RP1: variants seen among roughly 807,000 people sequenced by gnomAD.
RP1 encodes the protein RP1 axonemal microtubule associated.
Under a neutral mutation model 14.8 loss-of-function variants are expected in RP1, and 16 were observed. The ratio of observed to expected loss-of-function variants is 1.08; its 90% confidence interval spans 0.73 to 1.65. The LOEUF (loss-of-function observed/expected upper bound fraction) is 1.65, where lower values mean the gene tolerates loss of function less well. Among genes scored for constraint, RP1 ranks in the 40% most tolerant of loss-of-function variants. The pLI is 0.00. For missense variants in RP1, 2,631 were observed against 2,535.0 expected, an observed-to-expected ratio of 1.04 and a Z score of -0.81; for synonymous variants, 876 against 883.6, an observed-to-expected ratio of 0.99 and a Z score of 0.15.
At chr8:54,828,882 C>CTTTTTTTTTTTTTTTTTTTTTTTTTT (rs201534661) in intron 24 of RP1, among the ~76,000 whole-genome samples, 3 of 83,900 alleles carry the variant, frequency 3.6e-5, no homozygotes, top group Admixed American at 1.6e-4. Context: ...TCTTCTTCTT[C>CTTTTTTTTTTTTTTTTTTTTTTTTTT]TTTTTTTTTT....
intron 24 of RP1, among the ~76,000 whole-genome samples, chr8:54,826,033 C>T (rs964542814): frequency 4.6e-5 from 7 of 152,150 alleles, no homozygotes; most frequent in African/African-American, 1.4e-4. Context: ...GTAACCACTG[C>T]ACTCCAGCCT....
intron 22 of RP1, among the ~76,000 whole-genome samples, chr8:54,768,131 C>T (rs1020770850): frequency 3.3e-5 from 5 of 152,210 alleles, no homozygotes; most frequent in East Asian, 1.9e-4. Flanking sequence ...GCCTCCTGTG[C>T]GTCAGCCACG....
chr8:54,621,423 C>T lies in RP1; in HGVS notation c.457C>T (p.Pro153Ser). ...AVAAPGMPRP[P>S]RSLVVFRNGD... ...CGCTGCTCCCGGCATGCCCCGCCCC[C>T]CACGGAGCCTAGTGGTCTTCAGGAA... is the stretch of plus-strand genomic sequence containing the variant. Residue 153 changes from proline (P) to serine (S), a missense_variant, in exon 2 of 4, where the codon CCA (proline) becomes TCA (serine). Physicochemically the swap from Pro to Ser is moderately conservative, Grantham distance 74. Transcript: ENST00000220676. 6.2e-7 allele frequency: 1 copy of T among 1,613,680 alleles called. No homozygotes were observed. The highest frequency in any genetic ancestry group is 1.1e-5 in the South Asian group (1 of 91,078).
At chr8:54,743,184 A>C (rs905324231) in intron 19 of RP1, among the ~76,000 whole-genome samples, 1 of 152,360 alleles carries the variant, frequency 6.6e-6, no homozygotes, top group Non-Finnish European at 1.5e-5. Flanking sequence ...TCAGATTCCC[A>C]GTTGTTAAGG....
At chr8:54,760,884 C>CT (rs572149698) in intron 22 of RP1, among the ~76,000 whole-genome samples, 193 of 152,222 alleles carry the variant, frequency 1.3e-3, no homozygotes, top group African/African-American at 4.5e-3. Flanking sequence ...TTTTTCTCTT[C>CT]TCTCAATGTG....
Position 54,720,129 on chromosome 8 carries a change from G to T in RP1, c.2212G>T (p.Gly738Cys), listed in dbSNP as rs1030611746. 3.2e-5 allele frequency: 49 copies of T among 1,520,948 alleles called. No individual in the cohort carries two copies. In the Middle Eastern group the frequency reaches 5.0e-4, roughly 16 times the overall value. 94.2% of individuals were successfully genotyped at this position (1,520,948 alleles called of 1,614,324 possible). ...TTGAATCATTTTGTATTGATTGTAG[G>T]GTACAGGAGATGTTGACTGTCATTT... is the stretch of plus-strand genomic sequence containing the variant. Residue 738 changes from glycine to cysteine, a missense_variant and splice_region_variant, in exon 16 of 23, where the codon GGT (glycine) becomes TGT (cysteine). By Grantham distance (159) the Gly-to-Cys change is radical (BLOSUM62 -3). Transcript: ENST00000636932.
chr8:54,566,694 G>A (rs757982044), intron 1 of RP1, among the ~76,000 whole-genome samples: 15 of 152,188 alleles, frequency 9.9e-5, no homozygotes, highest in Non-Finnish European at 2.1e-4. Flanking sequence ...GCCAAGGAGA[G>A]CTATAGATGG....
At chr8:54,756,110 A>T (rs1809499669) in intron 21 of RP1, among the ~76,000 whole-genome samples, 1 of 152,250 alleles carries the variant, frequency 6.6e-6, no homozygotes, top group Non-Finnish European at 1.5e-5. Context: ...ATTTTAAAAG[A>T]TAAGGCCATA....
In RP1 at chr8:54,626,872, A is replaced by G. The variant is rs1457263455; in HGVS notation, c.2990A>G (p.Asn997Ser). 4.3e-6 allele frequency: 7 copies of G among 1,613,848 alleles called. No individual in the cohort carries two copies. In the South Asian group the frequency reaches 6.6e-5, roughly 15 times the overall value. Residue 997 changes from asparagine (N) to serine (S), a missense_variant, in exon 4 of 4, where the codon AAT becomes AGT. By Grantham distance (46) the Asn-to-Ser change is conservative. Coordinates refer to ENST00000220676, the MANE Select transcript of RP1 (RefSeq NM_006269.2). Reference protein sequence around the residue: ...CKEGDKSFIANDTGEEDLHET... With the variant: ...CKEGDKSFIASDTGEEDLHET... ...GAGGGAGATAAGTCTTTTATTGCCA[A>G]TGACACTGGTGAAGAAGATCTCCAT...
At chr8:54,839,300 C>A (rs755854453) in intron 25 of RP1, among the ~76,000 whole-genome samples, 1 of 152,148 alleles carries the variant, frequency 6.6e-6, no homozygotes, top group Non-Finnish European at 1.5e-5. Context: ...AGCCCCAGTG[C>A]TCCATTAGGT....
At position 54,855,617 on chromosome 8, in the gene RP1, C is replaced by T. The variant is rs147494209; in HGVS notation, c.3991-1411C>T. Among the ~76,000 whole-genome samples the T allele has an allele frequency of 1.5e-3, 227 of 152,264 alleles. 1 individual carries two copies. Among genetic ancestry groups the T allele is most frequent in the African/African-American group, 5.3e-3 (222 of 41,562 alleles). On this transcript the variant is annotated intron_variant, in intron 26 of 28. Transcript: ENST00000637698. The stretch of plus-strand genomic sequence containing the variant: ...TACTGGCAAAAGACTTGTTTGCAGA[C>T]TGTGTATAGAAAACCACAGAGCAAC...
intron 6 of RP1, among the ~76,000 whole-genome samples, chr8:54,662,054 G>A (rs1806911474): frequency 6.6e-6 from 1 of 152,096 alleles, no homozygotes; most frequent in South Asian, 2.1e-4. Flanking sequence ...TATCCTGACT[G>A]CTTTAAAATC....
intron 6 of RP1, among the ~76,000 whole-genome samples, chr8:54,660,507 T>A (rs893328722): frequency 3.3e-5 from 5 of 152,196 alleles, no homozygotes; most frequent in Non-Finnish European, 7.3e-5. Context: ...ACCATCCTTG[T>A]ATATCTAGGT....
chr8:54,737,646 A>G (rs1808965707), intron 18 of RP1, among the ~76,000 whole-genome samples: 1 of 152,154 alleles, frequency 6.6e-6, no homozygotes, highest in Non-Finnish European at 1.5e-5. Context: ...CCTTCTTCCC[A>G]GTTGAGAACA....
intron 24 of RP1, among the ~76,000 whole-genome samples, chr8:54,816,042 C>T (rs1196893476): frequency 6.6e-6 from 1 of 152,124 alleles, no homozygotes; most frequent in Non-Finnish European, 1.5e-5. Flanking sequence ...TTGCTGAGTC[C>T]TAACTGTTCT....
chr8:54,678,668 A>C (rs1807353978), intron 9 of RP1: 1 of 631,258 alleles, frequency 1.6e-6, no homozygotes, highest in African/African-American at 1.9e-5. Context: ...GTGAACATTA[A>C]TTTTAGTGGC....
At chr8:54,579,612 T>C (rs1804734769) in intron 1 of RP1, among the ~76,000 whole-genome samples, 1 of 152,198 alleles carries the variant, frequency 6.6e-6, no homozygotes, top group African/African-American at 2.4e-5. Flanking sequence ...TGTAAGTCTG[T>C]TCTGATCCTG....
chr8:54,774,215 G>T (rs1809980240), downstream of RP1, among the ~76,000 whole-genome samples: 1 of 152,120 alleles, frequency 6.6e-6, no homozygotes, highest in Non-Finnish European at 1.5e-5. Flanking sequence ...CCTTCTGCCT[G>T]TTGTGTCAGC....
At chr8:54,746,942 A>T (rs10105873) in intron 19 of RP1, among the ~76,000 whole-genome samples, 1 of 152,052 alleles carries the variant, frequency 6.6e-6, no homozygotes, top group Non-Finnish European at 1.5e-5. Context: ...AGATGGTGTC[A>T]GTGTCTACCT....
Sources: allele counts gnomAD v4.1 joint callset (sites outside exome capture counted in the v4.1 genomes callset), GRCh38; gene constraint gnomAD v4.1.1; transcripts MANE v1.5; gene names NCBI Gene and HGNC (gene_info 2026-07-23, HGNC 2026-07-21).